The following LONP2 variants were observed in gnomAD, a reference collection of about 807,000 sequenced individuals.
The protein encoded by LONP2 is lon peptidase 2, peroxisomal.
LONP2 carries 60 observed loss-of-function variants against 85.6 expected under a neutral mutation model. The ratio of observed to expected loss-of-function variants is 0.70; its 90% CI spans 0.57 to 0.87. The LOEUF (loss-of-function observed/expected upper bound fraction) is 0.87, where lower values mean the gene tolerates loss of function less well. Among genes scored for constraint, LONP2 ranks in the 40% least tolerant of loss-of-function variants. The pLI, the probability that LONP2 is intolerant of heterozygous loss-of-function variation, is 0.00. For synonymous variants in LONP2, 395 were observed against 389.7 expected (o/e 1.01, Z -0.16); for missense variants, 860 against 1,063.5 (o/e 0.81, Z 2.66).
At chr16:48,271,490 A>G (rs899712799) in intron 7 of LONP2, among the ~76,000 whole-genome samples, 6 of 152,220 alleles carry the variant, frequency 3.9e-5, no homozygotes, top group Middle Eastern at 3.2e-3. Context: ...ATCCCTATCC[A>G]TAGACAGGGA....
In LONP2 at chr16:48,349,397, A is replaced by G. The variant is rs546779196; in HGVS notation, c.2337+1107A>G. ...GTGATTCTCCTGCCTCAGTCTCTCA[A>G]CTAGCTGGGATTACAAGCATGCGCC... On this transcript the variant is annotated intron_variant, in intron 14 of 14. Coordinates refer to ENST00000285737, the MANE Select transcript of LONP2 (RefSeq NM_031490.5). Among the ~76,000 whole-genome samples the G allele has an allele frequency of 2.1e-4, 32 of 152,260 alleles. No individual in the cohort carries two copies. The East Asian group carries it at 5.6e-3, about 27-fold the overall frequency.
At position 48,291,590 on chromosome 16, in the gene LONP2, C is replaced by G. The variant is rs573049270; in HGVS notation, c.1384-4425C>G. Among the ~76,000 whole-genome samples, 5 of 152,230 alleles carry G rather than the reference C, an allele frequency of 3.3e-5. No individual in the cohort carries two copies. The South Asian group carries it at 1.0e-3, about 32-fold the overall frequency. On this transcript the variant is annotated intron_variant, in intron 8 of 14. Transcript: ENST00000285737. ...TACTTTGTAGGTAGGAATTATAGTC[C>G]TAGGATTGATACAGAAAATCTTTTA... is the stretch of plus-strand genomic sequence containing the variant.
intron 14 of LONP2, among the ~76,000 whole-genome samples, chr16:48,349,720 A>G (rs966367697): frequency 4.6e-5 from 7 of 152,256 alleles, no homozygotes; most frequent in Non-Finnish European, 8.8e-5. Context: ...GGAAAAAACT[A>G]TAGTGAAAAA....
rs749497840 is a variant in LONP2 at position 48,299,835 on chromosome 16, G to A, written c.1661+47G>A. The A allele has an allele frequency of 1.9e-6, 3 of 1,577,428 alleles. No individual in the cohort carries two copies. The South Asian group carries it at 3.5e-5, about 18-fold the overall frequency. ...TTCATTAACTCCAGGCAACTTTTGA[G>A]TATTTACTGAGTTACCAAACAGGAC... On this transcript the variant is annotated intron_variant, in intron 10 of 14. Transcript: ENST00000285737.
chr16:48,327,330 G>A (rs889229205), intron 11 of LONP2, among the ~76,000 whole-genome samples: 6 of 152,160 alleles, frequency 3.9e-5, no homozygotes, highest in East Asian at 1.9e-4. Context: ...TTTTCAGACC[G>A]ATTTTATTTC....
intron 11 of LONP2, among the ~76,000 whole-genome samples, chr16:48,319,262 T>C (rs940714697): frequency 2.0e-5 from 3 of 152,024 alleles, no homozygotes; most frequent in Non-Finnish European, 4.4e-5. Context: ...GTGCCTGTAA[T>C]CTCAGCTACT....
chr16:48,247,384 A>C (rs1231498554), intron 1 of LONP2: 5 of 152,392 alleles, frequency 3.3e-5, no homozygotes, highest in Non-Finnish European at 4.4e-5. Context: ...CCTTTGCGCT[A>C]TCCAGGTGAC....
chr16:48,294,197 T>C (rs1266660717), intron 8 of LONP2, among the ~76,000 whole-genome samples: 1 of 152,120 alleles, frequency 6.6e-6, no homozygotes, highest in East Asian at 1.9e-4. Context: ...TGCTTCGGCC[T>C]CCCAAAGTAC....
chr16:48,289,045 G>A (rs1972506901), intron 8 of LONP2, among the ~76,000 whole-genome samples: 1 of 152,198 alleles, frequency 6.6e-6, no homozygotes, highest in East Asian at 1.9e-4. Flanking sequence ...ATAAATAAAA[G>A]TGTCAACTCT....
downstream of LONP2, among the ~76,000 whole-genome samples, chr16:48,358,941 C>T (rs1274005639): frequency 6.6e-6 from 1 of 152,150 alleles, no homozygotes; most frequent in Non-Finnish European, 1.5e-5. Context: ...ATAATCAAAA[C>T]ACTTAATAGT....
At chr16:48,338,971 A>G (rs957522029) in intron 12 of LONP2, among the ~76,000 whole-genome samples, 2 of 152,196 alleles carry the variant, frequency 1.3e-5, no homozygotes, top group Admixed American at 1.3e-4. Flanking sequence ...TTGGACATTC[A>G]GATCTATTGC....
chr16:48,314,579 A>G (rs1973102514), intron 11 of LONP2, among the ~76,000 whole-genome samples: 1 of 152,160 alleles, frequency 6.6e-6, no homozygotes, highest in South Asian at 2.1e-4. Flanking sequence ...TCCTTTCTTC[A>G]TTGGTTACTA....
chr16:48,277,376 A>G lies in LONP2; in HGVS notation c.1280A>G (p.Asn427Ser). The G allele has an allele frequency of 6.2e-7, 1 of 1,613,494 alleles. No individual in the cohort carries two copies. The highest frequency in any genetic ancestry group is 8.5e-7 in the Non-Finnish European group (1 of 1,179,688). ...YVGSMPGRII[N>S]GLKTVGVNNP... ...GGCAGCATGCCTGGTCGCATCATCAACGGCTTGAAGACTGTGGGAGTGAAC... is the reference window on the plus strand; with the variant it reads ...GGCAGCATGCCTGGTCGCATCATCAGCGGCTTGAAGACTGTGGGAGTGAAC... The change falls in exon 8 of 15, where the codon AAC becomes AGC. Residue 427 changes from asparagine (N) to serine (S), a missense_variant. Asn to Ser is a conservative substitution (Grantham distance 46). Transcript: ENST00000285737.
Position 48,356,991 on chromosome 16 carries a change from A to G in LONP2, c.*5189A>G, listed in dbSNP as rs1298762285. On this transcript the variant is annotated 3_prime_UTR_variant, in exon 15 of 15. Transcript: ENST00000285737. Reference sequence around the variant, plus strand: ...TTATTTTCAGAATTCAGAAAGGCCTAAGAAAATTACATCTATGATAATAAA... The same window carrying G: ...TTATTTTCAGAATTCAGAAAGGCCTGAGAAAATTACATCTATGATAATAAA... 1 of 153,248 alleles carries G rather than the reference A, an allele frequency of 6.5e-6. No individual in the cohort carries two copies. Among genetic ancestry groups the G allele is most frequent in the Non-Finnish European group, 1.5e-5 (1 of 68,664 alleles). 9.5% of individuals were successfully genotyped at this position (153,248 alleles called of 1,614,324 possible).
At chr16:48,339,965 G>T (rs2151028374) in intron 12 of LONP2, among the ~76,000 whole-genome samples, 1 of 152,292 alleles carries the variant, frequency 6.6e-6, no homozygotes. Context: ...ACCTGGAAGA[G>T]GGTGGCTGAG....
chr16:48,342,674 T>C (rs892163356), intron 12 of LONP2, among the ~76,000 whole-genome samples: 1 of 152,216 alleles, frequency 6.6e-6, no homozygotes, highest in African/African-American at 2.4e-5. Flanking sequence ...AATCTGCTTT[T>C]CCCATTTCTG....
intron 11 of LONP2, among the ~76,000 whole-genome samples, chr16:48,315,267 A>G (rs1567337644): frequency 1.3e-5 from 2 of 152,214 alleles, no homozygotes; most frequent in African/African-American, 2.4e-5. Flanking sequence ...ATGTCAGACA[A>G]TCATGTGGTG....
intron 8 of LONP2, among the ~76,000 whole-genome samples, chr16:48,289,397 A>G (rs532002097): frequency 1.1e-4 from 17 of 152,218 alleles, no homozygotes; most frequent in Non-Finnish European, 2.2e-4. Flanking sequence ...TCCAGGTCAC[A>G]GGTAGATAAG....
At chr16:48,288,460 A>G (rs1448606050) in intron 8 of LONP2, among the ~76,000 whole-genome samples, 1 of 152,122 alleles carries the variant, frequency 6.6e-6, no homozygotes, top group Non-Finnish European at 1.5e-5. Context: ...GTCAGAATGT[A>G]TTAGAATGTA....
Sources: allele counts gnomAD v4.1 joint callset (sites outside exome capture counted in the v4.1 genomes callset), GRCh38; gene constraint gnomAD v4.1.1; transcripts MANE v1.5; gene names NCBI Gene and HGNC (gene_info 2026-07-23, HGNC 2026-07-21).